Variants in ZNF704 observed in about 807,000 individuals in gnomAD.
The protein encoded by ZNF704 is glucocorticoid induced gene 1.
In ZNF704, 10 loss-of-function variants were observed where a neutral mutation model predicts 44.7. That is an observed-to-expected ratio of 0.22 (90% CI 0.14 to 0.38). ZNF704 has a LOEUF of 0.38. Ranked by LOEUF, ZNF704 falls within the 10% of genes least tolerant of loss-of-function variation. The pLI, the probability that ZNF704 is intolerant of heterozygous loss-of-function variation, is 1.00. For missense variants in ZNF704, 390 were observed against 545.5 expected (o/e 0.71, Z 2.84); for synonymous variants, 211 against 207.6 (o/e 1.02, Z -0.14).
intron 1 of ZNF704, among the ~76,000 whole-genome samples, chr8:80,828,277 T>C (rs1263803981): frequency 6.6e-6 from 1 of 152,204 alleles, no homozygotes; most frequent in South Asian, 2.1e-4. Context: ...ATGATGATTA[T>C]GGTGGGAGAC....
intron 2 of ZNF704, among the ~76,000 whole-genome samples, chr8:80,727,433 GT>G (rs886991778): frequency 2.4e-4 from 34 of 142,354 alleles, no homozygotes; most frequent in Middle Eastern, 3.5e-3. Context: ...TTTTGTTTTT[GT>G]TTTTTTTTTT....
chr8:80,755,499 G>T (rs1586004493), intron 2 of ZNF704, among the ~76,000 whole-genome samples: 1 of 152,016 alleles, frequency 6.6e-6, no homozygotes, highest in Admixed American at 6.6e-5. Flanking sequence ...AGAACAGAAT[G>T]GTCCAGCTGA....
intron 2 of ZNF704, among the ~76,000 whole-genome samples, chr8:80,809,600 G>A (rs181682340): frequency 2.5e-4 from 38 of 152,234 alleles, no homozygotes; most frequent in African/African-American, 7.9e-4. Context: ...AGCAAAGCTC[G>A]CCTTGAGAAA....
At chr8:80,727,887 A>G (rs1439640757) in intron 2 of ZNF704, among the ~76,000 whole-genome samples, 1 of 152,184 alleles carries the variant, frequency 6.6e-6, no homozygotes. Context: ...CTGCATTAGT[A>G]TCAGCTCCTG....
At chr8:80,643,516 C>CAAAAAA (rs1174433192) in intron 7 of ZNF704, among the ~76,000 whole-genome samples, 6 of 23,382 alleles carry the variant, frequency 2.6e-4, no homozygotes, top group Admixed American at 5.7e-4. Flanking sequence ...GATCCTGTCT[C>CAAAAAA]AAAAAAAAAA....
intron 2 of ZNF704, among the ~76,000 whole-genome samples, chr8:80,763,554 T>C (rs769834318): frequency 2.0e-4 from 31 of 152,182 alleles, no homozygotes; most frequent in African/African-American, 9.7e-5. Context: ...CAGGGGGTCC[T>C]GGACCTGGCT....
Position 80,864,281 on chromosome 8 carries a change from TAA to T in ZNF704, c.-22+10288_-22+10289del, listed in dbSNP as rs1809116889. On this transcript the variant is annotated intron_variant, in intron 1 of 8. Coordinates refer to ENST00000327835, the MANE Select transcript of ZNF704 (RefSeq NM_001033723.3). Reference sequence around the variant, plus strand: ...AGTTTTAGTTATTTATCTCAAGGTATAAGATACTTATCCATGTCTTTCCCACC... The same window carrying T: ...AGTTTTAGTTATTTATCTCAAGGTATGATACTTATCCATGTCTTTCCCACC... Among the ~76,000 whole-genome samples, 3 of 152,304 alleles carry T rather than the reference TAA, an allele frequency of 2.0e-5. No individual in the cohort carries two copies. The South Asian group carries it at 6.2e-4, about 32-fold the overall frequency.
intron 2 of ZNF704, among the ~76,000 whole-genome samples, chr8:80,788,473 A>C (rs1307187594): frequency 6.6e-6 from 1 of 152,232 alleles, no homozygotes; most frequent in Non-Finnish European, 1.5e-5. Flanking sequence ...AAAAGTGGTC[A>C]AGTGACAATT....
intron 7 of ZNF704, chr8:80,645,104 C>T: frequency 6.3e-7 from 1 of 1,589,310 alleles, no homozygotes; most frequent in Non-Finnish European, 8.6e-7. Context: ...CCTTGGGCAG[C>T]ATGACATGTC....
At chr8:80,824,515 C>T (rs1456616564) in intron 1 of ZNF704, among the ~76,000 whole-genome samples, 2 of 151,922 alleles carry the variant, frequency 1.3e-5, no homozygotes, top group African/African-American at 4.8e-5. Context: ...AGGATATTAT[C>T]CAGAACTTCC....
At chr8:80,774,050 CT>C (rs113962202) in intron 2 of ZNF704, among the ~76,000 whole-genome samples, 26,106 of 142,646 alleles carry the variant, frequency 0.18, 2,602 homozygotes, top group African/African-American at 0.29. Flanking sequence ...TTTAAATCTT[CT>C]TTTTTTTTTT....
intron 2 of ZNF704, among the ~76,000 whole-genome samples, chr8:80,735,396 A>G (rs1806649810): frequency 6.6e-6 from 1 of 152,220 alleles, no homozygotes; most frequent in Admixed American, 6.5e-5. Flanking sequence ...CATTTTACTC[A>G]TGATTTAGAA....
At chr8:80,809,931 G>C (rs1009119391) in intron 2 of ZNF704, among the ~76,000 whole-genome samples, 3 of 151,846 alleles carry the variant, frequency 2.0e-5, no homozygotes, top group African/African-American at 7.3e-5. Context: ...CCATGCAGCT[G>C]CCCAAGCCAG....
At chr8:80,795,465 T>C (rs1051935471) in intron 2 of ZNF704, among the ~76,000 whole-genome samples, 1 of 152,134 alleles carries the variant, frequency 6.6e-6, no homozygotes, top group Admixed American at 6.5e-5. Flanking sequence ...TGTAGGAAGA[T>C]TTTATTTCTT....
chr8:80,807,524 C>G (rs1056461651), intron 2 of ZNF704, among the ~76,000 whole-genome samples: 27 of 150,952 alleles, frequency 1.8e-4, no homozygotes, highest in African/African-American at 6.4e-4. Context: ...ATAAACATTT[C>G]TAATTGACCC....
At chr8:80,771,676 A>G (rs1008927847) in intron 2 of ZNF704, among the ~76,000 whole-genome samples, 1 of 152,028 alleles carries the variant, frequency 6.6e-6, no homozygotes, top group African/African-American at 2.4e-5. Flanking sequence ...TTTCCTTTCC[A>G]GTCTGTATGT....
chr8:80,834,131 C>T (rs1014688243), intron 1 of ZNF704, among the ~76,000 whole-genome samples: 2 of 152,022 alleles, frequency 1.3e-5, no homozygotes, highest in African/African-American at 4.8e-5. Flanking sequence ...GAAGTCAAGG[C>T]TGCAGTGAGC....
intron 2 of ZNF704, among the ~76,000 whole-genome samples, chr8:80,750,160 T>A (rs910633640): frequency 6.6e-6 from 1 of 151,598 alleles, no homozygotes; most frequent in Non-Finnish European, 1.5e-5. Flanking sequence ...TCCTCACACA[T>A]CCCCCCAGGC....
intron 2 of ZNF704, among the ~76,000 whole-genome samples, chr8:80,727,439 T>G (rs531452440): frequency 7.9e-5 from 12 of 152,250 alleles, no homozygotes; most frequent in South Asian, 2.1e-4. Flanking sequence ...TTTTGTTTTT[T>G]TTTTTCGTTT....
Sources: allele counts gnomAD v4.1 joint callset (sites outside exome capture counted in the v4.1 genomes callset), GRCh38; gene constraint gnomAD v4.1.1; transcripts MANE v1.5; gene names NCBI Gene and HGNC (gene_info 2026-07-23, HGNC 2026-07-21).